AGL: variants seen among roughly 807,000 people sequenced by gnomAD.
AGL encodes glycogen debranching enzyme.
Under a neutral mutation model 199.3 loss-of-function variants are expected in AGL, and 128 were observed. The ratio of observed to expected loss-of-function variants is 0.64; its 90% confidence interval spans 0.56 to 0.74. The LOEUF (loss-of-function observed/expected upper bound fraction) is 0.74. Ranked by LOEUF, AGL falls within the 30% of genes least tolerant of loss-of-function variation. The probability of loss-of-function intolerance (pLI) is 0.00; values close to 1 mark genes in which losing one functional copy is unlikely to be tolerated. For missense variants in AGL, 1,809 were observed against 1,820.8 expected (o/e 0.99, Z 0.12); for synonymous variants, 584 against 594.7 (o/e 0.98, Z 0.26).
chr1:99,906,763 A>C (rs1407687012), intron 27 of AGL, among the ~76,000 whole-genome samples: 1 of 152,010 alleles, frequency 6.6e-6, no homozygotes, highest in African/African-American at 2.4e-5. Context: ...CATTTTCTTT[A>C]TTCATTCATT....
chr1:99,854,533 C>T (rs377310379), intron 2 of AGL, among the ~76,000 whole-genome samples: 291 of 151,952 alleles, frequency 1.9e-3, no homozygotes, highest in Middle Eastern at 6.8e-3. Context: ...GAGGCCGAGG[C>T]GGGCGGATCA....
chr1:99,869,773 TCAAA>T lies in AGL; in HGVS notation c.665-622_665-619del, dbSNP rs376489696. ...GATAATTATTAGTCCATTTTAAAGATCAAACAAATTCCATGTAACTTTCATTCGT... is the reference window on the plus strand; with the variant it reads ...GATAATTATTAGTCCATTTTAAAGATCAAATTCCATGTAACTTTCATTCGT... On this transcript the variant is annotated intron_variant, in intron 5 of 33. Transcript: ENST00000361915. 8.5e-4 allele frequency among the ~76,000 whole-genome samples: 129 copies of T among 152,360 alleles called. 1 individual carries two copies. The East Asian group carries it at 0.016, about 19-fold the overall frequency.
chr1:99,913,190 A>T (rs1031533654), intron 29 of AGL, among the ~76,000 whole-genome samples: 6 of 152,104 alleles, frequency 3.9e-5, no homozygotes, highest in African/African-American at 1.4e-4. Context: ...ACTGCACTCC[A>T]GCTTGGGTGG....
intron 29 of AGL, among the ~76,000 whole-genome samples, chr1:99,913,040 T>G (rs1654863212): frequency 6.6e-6 from 1 of 152,030 alleles, no homozygotes; most frequent in Non-Finnish European, 1.5e-5. Flanking sequence ...CTGGGCAACA[T>G]GAAAACCCAT....
chr1:99,923,295 T>C lies in AGL; in HGVS notation c.*1644T>C, dbSNP rs1312597474. ...TGCGGGTAAAAGGAATGACTGTCCT[T>C]GAGAGAACCATTAGTTTATCAAAGG... On this transcript the variant is annotated 3_prime_UTR_variant, in exon 34 of 34. Coordinates refer to ENST00000361915, the MANE Select transcript of AGL (RefSeq NM_000642.3). 4 of 152,134 alleles carry C rather than the reference T, an allele frequency of 2.6e-5. No individual in the cohort carries two copies. Among genetic ancestry groups the C allele is most frequent in the Non-Finnish European group, 5.9e-5 (4 of 68,004 alleles). The allele number at this position is 152,134 out of a possible 1,614,324, so 9.4% of individuals were successfully genotyped here.
At chr1:99,898,265 C>T (rs1372229285) in intron 25 of AGL, among the ~76,000 whole-genome samples, 1 of 152,158 alleles carries the variant, frequency 6.6e-6, no homozygotes, top group Non-Finnish European at 1.5e-5. Flanking sequence ...CCAGGATGGT[C>T]TCGATATCCT....
intron 2 of AGL, chr1:99,852,570 C>A: frequency 5.5e-6 from 3 of 546,436 alleles, no homozygotes; most frequent in South Asian, 2.2e-5. Flanking sequence ...GAAACTGGGT[C>A]TCACTATGTT....
At chr1:99,875,692 A>T (rs1490081103) in intron 10 of AGL, among the ~76,000 whole-genome samples, 1 of 152,180 alleles carries the variant, frequency 6.6e-6, no homozygotes, top group Non-Finnish European at 1.5e-5. Context: ...ATGTTTCTGG[A>T]GGACTGCATA....
At chr1:99,866,044 G>A (rs1650479236) in intron 5 of AGL, among the ~76,000 whole-genome samples, 2 of 152,140 alleles carry the variant, frequency 1.3e-5, no homozygotes, top group African/African-American at 2.4e-5. Flanking sequence ...GAAGTGGGAG[G>A]ATGACTTGAG....
rs538182608 is a variant in AGL at position 99,869,989 on chromosome 1, C to G, written c.665-411C>G. On this transcript the variant is annotated intron_variant, in intron 5 of 33. Transcript: ENST00000361915. ...TGTTGTAAATATTTGGAATACTGTG[C>G]CAAACTCCTGATTCTGATTCTGAAC... 7.9e-4 allele frequency among the ~76,000 whole-genome samples: 121 copies of G among 152,220 alleles called. No individual in the cohort carries two copies. The South Asian group carries it at 0.012, about 15-fold the overall frequency.
chr1:99,851,052 A>T lies in AGL; in HGVS notation c.10A>T (p.Ser4Cys). 1.2e-6 allele frequency: 2 copies of T among 1,614,008 alleles called. No homozygotes were observed. The highest frequency in any genetic ancestry group is 1.7e-6 in the Non-Finnish European group (2 of 1,179,864). Residue 4 changes from serine (S) to cysteine (C), a missense_variant, in exon 2 of 34, where the codon AGT becomes TGT. Physicochemically the swap from Ser to Cys is moderately radical, Grantham distance 112. Transcript: ENST00000361915. ...TCCTCTAGAAGCCAAAATGGGACAC[A>T]GTAAACAGATTCGAATTTTACTTCT... is the stretch of plus-strand genomic sequence containing the variant. MGH[S>C]KQIRILLLNE...
chr1:99,857,901 T>A (rs1649699577), intron 2 of AGL, among the ~76,000 whole-genome samples: 1 of 151,910 alleles, frequency 6.6e-6, no homozygotes, highest in Admixed American at 6.5e-5. Flanking sequence ...TTTAGTTTTT[T>A]AAGTCTGTTA....
At position 99,892,474 on chromosome 1, in the gene AGL, G is replaced by A. The variant is rs778226959; in HGVS notation, c.3126G>A (p.Leu1042=). ...NGSTFVKHLS[L]GSVQLCGVGK... ...CAACCTTTGTGAAACACCTTTCATT[G>A]GGTTCAGTTCAACTGTGTGGAGTAG... The change falls in exon 24 of 34, where the codon TTG becomes TTA. Residue 1042 remains leucine, a synonymous_variant. Coordinates refer to ENST00000361915, the MANE Select transcript of AGL (RefSeq NM_000642.3). 8.1e-6 allele frequency: 13 copies of A among 1,613,522 alleles called. No homozygotes were observed. The highest frequency in any genetic ancestry group is 1.1e-5 in the Non-Finnish European group (13 of 1,179,664).
At chr1:99,854,067 G>A (rs1376367342) in intron 2 of AGL, among the ~76,000 whole-genome samples, 1 of 151,746 alleles carries the variant, frequency 6.6e-6, no homozygotes, top group Admixed American at 6.6e-5. Context: ...GGTGGCGCAT[G>A]CCTATAATCC....
At chr1:99,869,683 A>G (rs1650823982) in intron 5 of AGL, among the ~76,000 whole-genome samples, 1 of 152,256 alleles carries the variant, frequency 6.6e-6, no homozygotes, top group African/African-American at 2.4e-5. Flanking sequence ...GTAAATATTC[A>G]GTAATTGTTA....
In AGL at chr1:99,874,721, A is replaced by G. The variant is rs1279284796; in HGVS notation, c.993A>G (p.Gln331=). 1.1e-5 allele frequency: 18 copies of G among 1,598,490 alleles called. No homozygotes were observed. Among genetic ancestry groups the G allele is most frequent in the Non-Finnish European group, 1.4e-5 (16 of 1,170,516 alleles). The part of the protein sequence containing the change: ...NRRVTKSDPN[Q]HLTIIQDPEY... ...GAGTAACCAAGTCTGATCCAAACCA[A>G]CACCTTACGATTATTCAAGATCCTG... The change falls in exon 8 of 34, where the codon CAA becomes CAG. Residue 331 remains glutamine, a synonymous_variant. Transcript: ENST00000361915.
Position 99,916,450 on chromosome 1 carries a change from A to G in AGL, c.4300A>G (p.Asn1434Asp), listed in dbSNP as rs146154694. The G allele has an allele frequency of 8.9e-5, 144 of 1,612,668 alleles. No homozygotes were observed. Among genetic ancestry groups the G allele is most frequent in the Non-Finnish European group, 1.1e-4 (131 of 1,179,260 alleles). Residue 1434 changes from asparagine (N) to aspartate (D), a missense_variant, in exon 32 of 34, where the codon AAT (asparagine) becomes GAT (aspartate). Coordinates refer to ENST00000361915, the MANE Select transcript of AGL (RefSeq NM_000642.3). ...TGGAATTTATGACAATGCATTAGAC[A>G]ATGACAACTACAATCTTGCTAAAGG... ...YCGIYDNALD[N>D]DNYNLAKGFN...
chr1:99,902,805 TTAAC>T lies in AGL; in HGVS notation c.3700+15_3700+18del, dbSNP rs1284709970. On this transcript the variant is annotated intron_variant, in intron 27 of 33. Transcript: ENST00000361915. ...ACATGAAGGACGAAGGTACAGAACT[TTAAC>T]TAAAATAGTACAAATTTATCAAGGT... 2.5e-6 allele frequency: 4 copies of T among 1,583,886 alleles called. No homozygotes were observed. The highest frequency in any genetic ancestry group is 2.7e-5 in the African/African-American group (2 of 74,218).
At chr1:99,857,636 C>G (rs1387877258) in intron 2 of AGL, among the ~76,000 whole-genome samples, 3 of 151,436 alleles carry the variant, frequency 2.0e-5, no homozygotes, top group African/African-American at 7.3e-5. Flanking sequence ...ACAGCGAAAC[C>G]CCGTCTCCAC....
Sources: allele counts gnomAD v4.1 joint callset (sites outside exome capture counted in the v4.1 genomes callset), GRCh38; gene constraint gnomAD v4.1.1; transcripts MANE v1.5; gene names NCBI Gene and HGNC (gene_info 2026-07-23, HGNC 2026-07-21).